The following IGSF1 variants were observed in gnomAD, a reference collection of about 807,000 sequenced individuals.
IGSF1 encodes the protein immunoglobulin-like domain-containing protein 1.
Under a neutral mutation model 95.3 loss-of-function variants are expected in IGSF1, and 40 were observed. The ratio of observed to expected loss-of-function variants is 0.42; its 90% CI spans 0.33 to 0.55. The LOEUF (loss-of-function observed/expected upper bound fraction) is 0.55, where lower values mean the gene tolerates loss of function less well. IGSF1 is among the 20% of genes least tolerant of loss of function. The pLI is 0.10. For missense variants in IGSF1, 906 were observed against 1,025.4 expected, an observed-to-expected ratio of 0.88 and a Z score of 1.59; for synonymous variants, 372 against 382.9, an observed-to-expected ratio of 0.97 and a Z score of 0.33.
Position 131,278,103 on chromosome X carries a change from G to A in IGSF1, c.2073C>T (p.Ser691=). 3 of 1,211,075 alleles carry A rather than the reference G, an allele frequency of 2.5e-6. No homozygotes were observed. Among genetic ancestry groups the A allele is most frequent in the Non-Finnish European group, 3.4e-6 (3 of 894,991 alleles). ...GTAGTTCCTGGCCCCGGATTGTGGG[G>A]GAAGCAGAAATGACAGGTTTGGGGA... is the stretch of plus-strand genomic sequence containing the variant. ...DILPKPVISA[S]PTIRGQELQL... is the part of the protein sequence containing the mutation. Residue 691 remains serine, a synonymous_variant, in exon 13 of 20, where the codon TCC becomes TCT. Coordinates refer to ENST00000361420, the MANE Select transcript of IGSF1 (RefSeq NM_001555.5).
At chrX:131,277,709 C>T (rs1465247010) in intron 13 of IGSF1, 147 bp downstream of exon 13, 4 of 598,327 alleles carry the variant, frequency 6.7e-6, no homozygotes, top group Non-Finnish European at 1.0e-5. Flanking sequence ...CTGGCACTCC[C>T]AGCGCCACGC....
In IGSF1 at chrX:131,283,137, C is replaced by A. The variant is rs764545853; in HGVS notation, c.795G>T (p.Leu265Phe). 8.3e-7 allele frequency: 1 copy of A among 1,210,771 alleles called. No homozygotes were observed. The highest frequency in any genetic ancestry group is 1.1e-6 in the Non-Finnish European group (1 of 894,561). The change falls in exon 6 of 20, where the codon TTG (leucine) becomes TTT (phenylalanine). Residue 265 changes from leucine to phenylalanine, a missense_variant. By Grantham distance (22) the Leu-to-Phe change is conservative. Coordinates refer to ENST00000361420, the MANE Select transcript of IGSF1 (RefSeq NM_001555.5). ...TCTTCTTGTGGTAAAAGGACTTCTC[C>A]AAGTCTTCAACCCTCATTAGAGCAA... ...MTFALMRVED[L>F]EKSFYHKKTI...
chrX:131,280,924 G>A, intron 9 of IGSF1: 1 of 235,678 alleles, frequency 4.2e-6, no homozygotes. Flanking sequence ...AATCATCTCT[G>A]AGGGCAGGAT....
chrX:131,283,224 G>A lies in IGSF1; in HGVS notation c.708C>T (p.Pro236=). The change falls in exon 6 of 20, where the codon CCC becomes CCT. Residue 236 remains proline, a synonymous_variant. Transcript: ENST00000361420. The stretch of plus-strand genomic sequence containing the variant: ...TCAGGCTTTCTCCAGGTGCCATGAT[G>A]GGCCCAGGATGGGCTGTCAAAGTTG... The part of the protein sequence containing the change: ...PKPTLTAHPG[P]IMAPGESLNL... 8.3e-7 allele frequency: 1 copy of A among 1,211,031 alleles called. No homozygotes were observed. The highest frequency in any genetic ancestry group is 3.0e-5 in the East Asian group (1 of 33,840).
chrX:131,280,525 A>C (rs1249484448), intron 9 of IGSF1, among the ~76,000 whole-genome samples: 1 of 112,031 alleles, frequency 8.9e-6, no homozygotes. Flanking sequence ...TTCCCAGTAG[A>C]GTAGCCTGAG....
Position 131,283,169 on chromosome X carries a change from T to C in IGSF1, c.763A>G (p.Met255Val). 1 of 1,208,333 alleles carries C rather than the reference T, an allele frequency of 8.3e-7. No homozygotes were observed. Among genetic ancestry groups the C allele is most frequent in the South Asian group, 1.8e-5 (1 of 56,907 alleles). ...NLRCQGPIYGMTFALMRVEDL... is the reference protein window; with the variant it reads ...NLRCQGPIYGVTFALMRVEDL... ...TCAACCCTCATTAGAGCAAAGGTCA[T>C]TCCATAGATTGGCCCTTGGCACCTG... is the stretch of plus-strand genomic sequence containing the variant. The change falls in exon 6 of 20, where the codon ATG becomes GTG. Residue 255 changes from methionine (M) to valine (V), a missense_variant. Met to Val is a conservative substitution (Grantham distance 21). Transcript: ENST00000361420.
In IGSF1 at chrX:131,275,520, T is replaced by C. The variant is rs1440206550; in HGVS notation, c.3142A>G (p.Ile1048Val). 1 of 1,211,584 alleles carries C rather than the reference T, an allele frequency of 8.3e-7. No homozygotes were observed. Residue 1048 changes from isoleucine (I) to valine (V), a missense_variant, in exon 16 of 20, where the codon ATC becomes GTC. This residue lies in a region of IGSF1 where 411 missense variants were observed against 494.9 expected (regional missense o/e 0.83). Coordinates refer to ENST00000361420, the MANE Select transcript of IGSF1 (RefSeq NM_001555.5). ...CCYHPDWTSS[I>V]KIQPSNTLEL... is the part of the protein sequence containing the mutation. ...AGGGTGTTGCTAGGTTGTATCTTGA[T>C]AGAACTGGTCCAGTCAGGGTGGTAG...
Position 131,285,297 on chromosome X carries a change from T to G in IGSF1, c.549A>C (p.Ile183=). The change falls in exon 5 of 20, where the codon ATA becomes ATC. Residue 183 remains isoleucine (I), a synonymous_variant. Transcript: ENST00000361420. ...DYQVPTGTMA[I]FSIDNLTPED... ...CAGGTGTCAGGTTGTCAATGGAGAA[T>G]ATGGCCATTGTCCCAGTTGGGACTT... 8.3e-7 allele frequency: 1 copy of G among 1,209,858 alleles called. No homozygotes were observed.
chrX:131,275,618 C>T lies in IGSF1; in HGVS notation c.3044G>A (p.Gly1015Glu), dbSNP rs182687001. The T allele has an allele frequency of 8.3e-7, 1 of 1,211,325 alleles. No individual in the cohort carries two copies. Among genetic ancestry groups the T allele is most frequent in the African/African-American group, 1.7e-5 (1 of 57,694 alleles). Residue 1015 changes from glycine to glutamate, a missense_variant, in exon 16 of 20, where the codon GGA becomes GAA. Gly to Glu is a moderately conservative substitution (Grantham distance 98, BLOSUM62 -2). Transcript: ENST00000361420. ...GAATGCCCCGTCATTACTGGTGGAT[C>T]CCCAGAGCTGCATTGAAGTGGCTTC... ...EGEATSMQLW[G>E]STSNDGAFPI...
chrX:131,288,989 G>A (rs1299980842), intron 1 of IGSF1: 1 of 253,768 alleles, frequency 3.9e-6, no homozygotes, highest in Non-Finnish European at 7.4e-6. Flanking sequence ...AGAAGGAAAA[G>A]GGGAGATATC....
At chrX:131,288,237 T>C (rs1437685806) in intron 1 of IGSF1, among the ~76,000 whole-genome samples, 1 of 112,589 alleles carries the variant, frequency 8.9e-6, no homozygotes, top group African/African-American at 3.2e-5. Flanking sequence ...GGGTTAGAGA[T>C]AATACATGTA....
At position 131,281,870 on chromosome X, in the gene IGSF1, A is replaced by C. The variant is rs1369636839; in HGVS notation, c.1321T>G (p.Cys441Gly). The change falls in exon 8 of 20, where the codon TGC (cysteine) becomes GGC (glycine). Residue 441 changes from cysteine (C) to glycine (G), a missense_variant. This residue lies in a region of IGSF1 where 442 missense variants were observed against 448.1 expected (regional missense o/e 0.99). Transcript: ENST00000361420. ...TCCAGTACTGGATGAGATACTCGGC[A>C]CTGAAGGGTGATGGCCTTTCCTAGC... ...FKLGKAITLQ[C>G]RVSHPVLEFS... 2.5e-6 allele frequency: 3 copies of C among 1,208,017 alleles called. No individual in the cohort carries two copies. Among genetic ancestry groups the C allele is most frequent in the East Asian group, 3.0e-5 (1 of 33,727 alleles).
Position 131,286,020 on chromosome X carries a change from T to C in IGSF1, c.126A>G (p.Ile42Met). The C allele has an allele frequency of 8.3e-7, 1 of 1,206,660 alleles. No individual in the cohort carries two copies. The highest frequency in any genetic ancestry group is 3.0e-5 in the East Asian group (1 of 33,769). Residue 42 changes from isoleucine (I) to methionine (M), a missense_variant, in exon 4 of 20, where the codon ATA becomes ATG. Around this residue, in one of 5 missense-constraint regions of IGSF1, gnomAD observed 442 missense variants for 448.1 expected, o/e 0.99. Transcript: ENST00000361420. The part of the protein sequence containing the change: ...IVMDPQPELW[I>M]ESNYPQAPWE... ...AAGGGGCCTGGGGGTAGTTGGACTC[T>C]ATCCACAACTCTGGTTGAGGGTCCA...
intron 10 of IGSF1, 34 bp from the exon 11 acceptor site, chrX:131,279,209 C>G: frequency 8.3e-7 from 1 of 1,210,932 alleles, no homozygotes; most frequent in South Asian, 1.8e-5. Context: ...ACTCGGCCCC[C>G]TCCCCCACCG....
chrX:131,285,180 T>A lies in IGSF1; in HGVS notation c.666A>T (p.Ala222=). ...GCCAGCAGCCATAGCCACACCCACCTGCTACAACCAGCTTCAGGGGGTTGC... is the reference window on the plus strand; with the variant it reads ...GCCAGCAGCCATAGCCACACCCACCAGCTACAACCAGCTTCAGGGGGTTGC... The part of the protein sequence containing the change: ...EPSNPLKLVV[A]GLYPKPTLTA... The change falls in exon 5 of 20, where the codon GCA becomes GCT. Residue 222 remains alanine (A), a splice_region_variant and synonymous_variant. Transcript: ENST00000361420. 8.5e-7 allele frequency: 1 copy of A among 1,179,349 alleles called. No homozygotes were observed. Among genetic ancestry groups the A allele is most frequent in the South Asian group, 2.0e-5 (1 of 50,975 alleles).
Position 131,289,285 on chromosome X carries a change from A to C in IGSF1, c.-139T>G, listed in dbSNP as rs748161907. 4 of 373,783 alleles carry C rather than the reference A, an allele frequency of 1.1e-5. No individual in the cohort carries two copies. The highest frequency in any genetic ancestry group is 2.3e-5 in the South Asian group (1 of 42,621). The allele number at this position is 373,783 out of a possible 1,213,427, so 30.8% of individuals were successfully genotyped here. A position where few individuals can be genotyped will look rare whatever the true frequency, so the allele number is the denominator to read the frequency against. ...CTCCAGATGCAGCAAACTGCCCGGC[A>C]TGAGAAGAGCTGTCTAAGGACAGCC... On this transcript the variant is annotated 5_prime_UTR_variant, in exon 1 of 20. It removes an upstream start codon present in the reference 5' UTR. Transcript: ENST00000361420.
intron 3 of IGSF1, among the ~76,000 whole-genome samples, 155 bp downstream of exon 3, chrX:131,286,282 C>T (rs919311159): frequency 9.0e-6 from 1 of 111,096 alleles, no homozygotes; most frequent in Non-Finnish European, 1.9e-5. Context: ...TGAGATAAAG[C>T]TTTTTCACCA....
In IGSF1 at chrX:131,275,274, T is replaced by C. The variant is rs773671009; in HGVS notation, c.3197A>G (p.Lys1066Arg). The C allele has an allele frequency of 8.3e-7, 1 of 1,211,220 alleles. No individual in the cohort carries two copies. The highest frequency in any genetic ancestry group is 3.0e-5 in the East Asian group (1 of 33,831). The part of the protein sequence containing the change: ...LELLVTGLLP[K>R]PSLLAQPGPM... Reference sequence around the variant, plus strand: ...ACCAGGCTGGGCTAATAGGCTGGGTTTGGGGAGTAAGCCTGGAAGAAATGA... The same window carrying C: ...ACCAGGCTGGGCTAATAGGCTGGGTCTGGGGAGTAAGCCTGGAAGAAATGA... The change falls in exon 17 of 20, where the codon AAA becomes AGA. Residue 1066 changes from lysine to arginine, a missense_variant. By Grantham distance (26) the Lys-to-Arg change is conservative. Around this residue, in one of 5 missense-constraint regions of IGSF1, gnomAD observed 411 missense variants for 494.9 expected, o/e 0.83. Coordinates refer to ENST00000361420, the MANE Select transcript of IGSF1 (RefSeq NM_001555.5).
chrX:131,278,536 C>T lies in IGSF1; in HGVS notation c.1966G>A (p.Gly656Arg), dbSNP rs2124097454. ...TCCCATGAATGGCAGTGGTAGCTCC[C>T]GGTGTGGCTCTGGGTCAGGGCGCCA... The part of the protein sequence containing the change: ...PLGALTQSHT[G>R]SYHCHSWEEM... The change falls in exon 12 of 20, where the codon GGG becomes AGG. Residue 656 changes from glycine (G) to arginine (R), a missense_variant. Transcript: ENST00000361420. The T allele has an allele frequency of 8.3e-7, 1 of 1,210,705 alleles. No individual in the cohort carries two copies. Among genetic ancestry groups the T allele is most frequent in the Non-Finnish European group, 1.1e-6 (1 of 894,585 alleles).
Sources: gnomAD v4.1 joint callset for allele counts (sites outside exome capture counted in the v4.1 genomes callset) on GRCh38, gnomAD v4.1.1 for gene constraint, gnomAD v4.1.1 regional missense constraint, MANE v1.5 for transcripts, NCBI Gene and HGNC (gene_info 2026-07-23, HGNC 2026-07-21) for gene names.